VCF1: variants seen among roughly 807,000 people sequenced by gnomAD.
The protein encoded by VCF1 is protein VCF1.
chr17:73,217,254 G>GA, the VCF1 span, among the ~76,000 whole-genome samples: 1 of 152,126 alleles, frequency 6.6e-6, no homozygotes, highest in Non-Finnish European at 1.5e-5. Context: ...TTGGGAGGCT[G>GA]AGGCAGGAGA....
the VCF1 span, chr17:73,212,673 C>A: frequency 6.3e-7 from 1 of 1,592,838 alleles, no homozygotes; most frequent in Non-Finnish European, 8.6e-7. Context: ...CAATTAGAAA[C>A]CCACCGCGCA....
At chr17:73,231,441 T>C in the VCF1 span, among the ~76,000 whole-genome samples, 1 of 152,102 alleles carries the variant, frequency 6.6e-6, no homozygotes, top group Non-Finnish European at 1.5e-5. Context: ...CTCGGGAAGG[T>C]AGCGAGTGCA....
At chr17:73,218,835 C>T in the VCF1 span, among the ~76,000 whole-genome samples, 30 of 151,934 alleles carry the variant, frequency 2.0e-4, 1 homozygote, top group Admixed American at 1.4e-3. Context: ...CTGGCTAACA[C>T]GGTGAAACCC....
At chr17:73,227,323 C>T in the VCF1 span, 2 of 1,350,702 alleles carry the variant, frequency 1.5e-6, no homozygotes, top group South Asian at 1.4e-5. Context: ...GTTTTGGACA[C>T]TTGAATTGCA....
chr17:73,225,365 T>G, the VCF1 span, among the ~76,000 whole-genome samples: 1 of 151,932 alleles, frequency 6.6e-6, no homozygotes, highest in Non-Finnish European at 1.5e-5. Flanking sequence ...AATAAATAAA[T>G]AAATAAAATT....
At chr17:73,224,983 A>G in the VCF1 span, among the ~76,000 whole-genome samples, 1 of 151,756 alleles carries the variant, frequency 6.6e-6, no homozygotes, top group Non-Finnish European at 1.5e-5. Flanking sequence ...AGCACAGCAC[A>G]GCACAGCACA....
chr17:73,210,986 C>T, the VCF1 span, among the ~76,000 whole-genome samples: 1 of 152,138 alleles, frequency 6.6e-6, no homozygotes, highest in African/African-American at 2.4e-5. Context: ...TCTGTGTTTA[C>T]AGTGCAATAC....
At chr17:73,230,190 G>A in the VCF1 span, among the ~76,000 whole-genome samples, 2 of 152,062 alleles carry the variant, frequency 1.3e-5, no homozygotes, top group Admixed American at 1.3e-4. Context: ...CAGCTACTCA[G>A]GAGGCTGACG....
At chr17:73,220,381 A>G in the VCF1 span, among the ~76,000 whole-genome samples, 1 of 152,162 alleles carries the variant, frequency 6.6e-6, no homozygotes, top group Non-Finnish European at 1.5e-5. Flanking sequence ...TAATATTAAC[A>G]TCAAAAATTT....
At chr17:73,209,562 G>C in the VCF1 span, 5 of 1,588,562 alleles carry the variant, frequency 3.1e-6, no homozygotes, top group African/African-American at 5.4e-5. Flanking sequence ...GCTGTAGGCT[G>C]TGGAAGTGGG....
At chr17:73,212,445 AT>A in the VCF1 span, among the ~76,000 whole-genome samples, 2 of 152,238 alleles carry the variant, frequency 1.3e-5, no homozygotes, top group African/African-American at 4.8e-5. Flanking sequence ...AAATAAAAAA[AT>A]AAAAACCTCA....
At chr17:73,230,373 T>A in the VCF1 span, among the ~76,000 whole-genome samples, 1 of 151,546 alleles carries the variant, frequency 6.6e-6, no homozygotes, top group Admixed American at 6.6e-5. Flanking sequence ...TCTCTGCGGC[T>A]ATCCAATCTA....
the VCF1 span, among the ~76,000 whole-genome samples, chr17:73,220,442 CT>C: frequency 2.2e-3 from 340 of 151,826 alleles, 1 homozygote; most frequent in African/African-American, 8.0e-3. Context: ...TAAGCCACTT[CT>C]TTTTTTTGTT....
chr17:73,215,604 G>T, the VCF1 span, among the ~76,000 whole-genome samples: 1 of 152,106 alleles, frequency 6.6e-6, no homozygotes, highest in Admixed American at 6.5e-5. Context: ...TAAATGCCAG[G>T]GCCCCACCTC....
At chr17:73,227,019 C>A in the VCF1 span, 1 of 558,906 alleles carries the variant, frequency 1.8e-6, no homozygotes, top group African/African-American at 1.9e-5. Flanking sequence ...TCAAAGGGAC[C>A]CTGATTTGGA....
chr17:73,223,292 G>C, the VCF1 span, among the ~76,000 whole-genome samples: 1 of 152,092 alleles, frequency 6.6e-6, no homozygotes, highest in Non-Finnish European at 1.5e-5. Context: ...ACTCCAGTCT[G>C]GGCAACAAGA....
chr17:73,216,078 C>T, the VCF1 span, among the ~76,000 whole-genome samples: 4 of 152,060 alleles, frequency 2.6e-5, no homozygotes, highest in Non-Finnish European at 5.9e-5. Flanking sequence ...GGAAGACTGG[C>T]TCAGGTCTAT....
the VCF1 span, among the ~76,000 whole-genome samples, chr17:73,211,013 CAT>C: frequency 1.3e-5 from 2 of 152,146 alleles, no homozygotes; most frequent in Non-Finnish European, 2.9e-5. Context: ...GTATTCAGCA[CAT>C]GAGAAAGAAT....
At chr17:73,223,398 T>G in the VCF1 span, among the ~76,000 whole-genome samples, 1 of 152,314 alleles carries the variant, frequency 6.6e-6, no homozygotes, top group Admixed American at 6.5e-5. Context: ...ACATGAAGTT[T>G]CTCTCTATAT....
Sources: gnomAD v4.1 joint callset for allele counts (sites outside exome capture counted in the v4.1 genomes callset) on GRCh38, gnomAD v4.1.1 for gene constraint, MANE v1.5 for transcripts, NCBI Gene and HGNC (gene_info 2026-07-23, HGNC 2026-07-21) for gene names.